The following WDPCP variants were observed in gnomAD, a reference collection of about 807,000 sequenced individuals.
WDPCP encodes WD repeat containing planar cell polarity effector.
In WDPCP, 71 loss-of-function variants were observed where a neutral mutation model predicts 93.1. The ratio of observed to expected loss-of-function variants is 0.76; its 90% CI spans 0.63 to 0.93. The LOEUF (loss-of-function observed/expected upper bound fraction) is 0.93, where lower values mean the gene tolerates loss of function less well. Ranked by LOEUF, WDPCP falls within the 40% of genes least tolerant of loss-of-function variation. The pLI, the probability that WDPCP is intolerant of heterozygous loss-of-function variation, is 0.00. For synonymous variants in WDPCP, 315 were observed against 315.0 expected (o/e 1.00, Z 0.00); for missense variants, 844 against 887.4 (o/e 0.95, Z 0.62).
At chr2:63,510,216 T>G (rs182221054) in intron 1 of WDPCP, among the ~76,000 whole-genome samples, 1 of 152,186 alleles carries the variant, frequency 6.6e-6, no homozygotes, top group African/African-American at 2.4e-5. Context: ...AGCAGCACAT[T>G]AAAAAGATTA....
At chr2:63,346,304 T>G (rs538389424) in intron 12 of WDPCP, among the ~76,000 whole-genome samples, 1 of 152,272 alleles carries the variant, frequency 6.6e-6, no homozygotes, top group East Asian at 1.9e-4. Flanking sequence ...GCAGTGACAG[T>G]GGGTTCAGTT....
chr2:63,465,782 G>A (rs528402069), intron 6 of WDPCP, among the ~76,000 whole-genome samples: 44 of 152,220 alleles, frequency 2.9e-4, no homozygotes, highest in Middle Eastern at 3.4e-3. Context: ...GCTGATTATT[G>A]TGTAGTAGCT....
At chr2:63,550,745 ATGTG>A (rs1705561671) in intron 1 of WDPCP, among the ~76,000 whole-genome samples, 1 of 147,184 alleles carries the variant, frequency 6.8e-6, no homozygotes, top group African/African-American at 2.5e-5. Flanking sequence ...GTGCATATGT[ATGTG>A]TATATATATA....
chr2:63,721,542 TATAA>T (rs1185401257), intron 2 of WDPCP, among the ~76,000 whole-genome samples: 3 of 152,180 alleles, frequency 2.0e-5, no homozygotes, highest in Admixed American at 6.5e-5. Context: ...TTTAAAAAAA[TATAA>T]ATAAATTTTT....
At chr2:63,126,666 GTTTTTTT>G (rs763749429) in intron 17 of WDPCP, among the ~76,000 whole-genome samples, 6 of 98,116 alleles carry the variant, frequency 6.1e-5, no homozygotes, top group South Asian at 3.7e-4. Flanking sequence ...CTTGTTTTGT[GTTTTTTT>G]TTTTTTTTTT....
chr2:63,295,738 T>C (rs940404668), intron 13 of WDPCP, among the ~76,000 whole-genome samples: 17 of 150,314 alleles, frequency 1.1e-4, no homozygotes, highest in Non-Finnish European at 2.2e-4. Context: ...AACAGACCAA[T>C]AAAGAGTACT....
chr2:63,473,467 A>AC (rs1335629368), intron 6 of WDPCP, among the ~76,000 whole-genome samples: 1 of 151,822 alleles, frequency 6.6e-6, no homozygotes, highest in Non-Finnish European at 1.5e-5. Flanking sequence ...CTTTCAACAT[A>AC]CCCCCTTATT....
intron 12 of WDPCP, among the ~76,000 whole-genome samples, chr2:63,323,492 T>C (rs1319601615): frequency 6.6e-6 from 1 of 152,142 alleles, no homozygotes; most frequent in African/African-American, 2.4e-5. Context: ...AGCTAGAATA[T>C]GGGGAGCCTC....
At chr2:63,692,662 C>T (rs1043332490) in intron 2 of WDPCP, among the ~76,000 whole-genome samples, 1 of 151,918 alleles carries the variant, frequency 6.6e-6, no homozygotes, top group African/African-American at 2.4e-5. Context: ...TTAGATAGGC[C>T]TTAAATGATT....
chr2:63,709,638 A>G (rs1441598402), intron 2 of WDPCP, among the ~76,000 whole-genome samples: 1 of 152,164 alleles, frequency 6.6e-6, no homozygotes, highest in Non-Finnish European at 1.5e-5. Flanking sequence ...TCAATTCTTA[A>G]CATTGCTATA....
chr2:63,634,191 T>A (rs992246231), intron 3 of WDPCP, among the ~76,000 whole-genome samples: 1 of 151,976 alleles, frequency 6.6e-6, no homozygotes, highest in Non-Finnish European at 1.5e-5. Flanking sequence ...ACACATAGGC[T>A]GAAAAAGTGA....
chr2:63,667,727 T>C (rs1413716711), intron 2 of WDPCP, among the ~76,000 whole-genome samples: 1 of 150,814 alleles, frequency 6.6e-6, no homozygotes, highest in Non-Finnish European at 1.5e-5. Context: ...TAGGGTCCCA[T>C]GATATCCCAG....
At chr2:63,743,894 A>C (rs1392892603) in intron 2 of WDPCP, among the ~76,000 whole-genome samples, 2 of 152,168 alleles carry the variant, frequency 1.3e-5, no homozygotes, top group African/African-American at 4.8e-5. Flanking sequence ...ACTTGAGTAG[A>C]AATCACATAA....
At chr2:63,466,465 T>G (rs1699351358) in intron 6 of WDPCP, among the ~76,000 whole-genome samples, 1 of 152,170 alleles carries the variant, frequency 6.6e-6, no homozygotes, top group African/African-American at 2.4e-5. Context: ...ACACTTAACC[T>G]TAGATGCTTA....
chr2:63,348,017 CATT>C (rs1174610601), intron 12 of WDPCP, among the ~76,000 whole-genome samples: 1 of 152,132 alleles, frequency 6.6e-6, no homozygotes, highest in African/African-American at 2.4e-5. Context: ...AAACTAATGA[CATT>C]AGTCTTTCTC....
chr2:63,327,909 C>T (rs942625725), intron 12 of WDPCP, among the ~76,000 whole-genome samples: 1 of 152,164 alleles, frequency 6.6e-6, no homozygotes, highest in Non-Finnish European at 1.5e-5. Flanking sequence ...AACCCGCTGG[C>T]CCTTCCACTG....
intron 2 of WDPCP, among the ~76,000 whole-genome samples, chr2:63,761,426 C>A (rs571338029): frequency 6.6e-6 from 1 of 152,254 alleles, no homozygotes; most frequent in African/African-American, 2.4e-5. Context: ...TGGACTAAGG[C>A]AAACCACAAG....
chr2:63,255,579 T>G (rs557483163), intron 14 of WDPCP, among the ~76,000 whole-genome samples: 65 of 152,184 alleles, frequency 4.3e-4, no homozygotes, highest in Non-Finnish European at 8.1e-4. Context: ...CCTCTTACCA[T>G]GTGATATGGC....
chr2:63,801,787 G>A (rs1670699855), intron 2 of WDPCP, among the ~76,000 whole-genome samples: 1 of 152,116 alleles, frequency 6.6e-6, no homozygotes, highest in Admixed American at 6.6e-5. Context: ...TACCCAGAAA[G>A]TCCAGCTGGC....
Sources: gnomAD v4.1 joint callset for allele counts (sites outside exome capture counted in the v4.1 genomes callset) on GRCh38, gnomAD v4.1.1 for gene constraint, MANE v1.5 for transcripts, NCBI Gene and HGNC (gene_info 2026-07-23, HGNC 2026-07-21) for gene names.